Variants in TAF1 observed in about 807,000 individuals in gnomAD.
TAF1 encodes transcription initiation factor TFIID subunit 1.
A neutral mutation model predicts 138.5 loss-of-function variants in TAF1; 2 were observed. That is an observed-to-expected ratio of 0.01 (90% CI 0.01 to 0.05). The LOEUF is 0.05. Among genes scored for constraint, TAF1 ranks in the 10% least tolerant of loss-of-function variants. TAF1 has a pLI of 1.00. For synonymous variants in TAF1, 437 were observed against 503.2 expected (o/e 0.87, Z 1.76); for missense variants, 709 against 1,478.0 (o/e 0.48, Z 8.53).
At chrX:71,402,252 C>T (rs1032465531) in intron 25 of TAF1, among the ~76,000 whole-genome samples, 14 of 111,581 alleles carry the variant, frequency 1.3e-4, no homozygotes, top group South Asian at 7.5e-4. Flanking sequence ...GGATTACAGG[C>T]GCACGCCACC....
In TAF1 at chrX:71,379,105, AT is replaced by A. The variant is rs916740866; in HGVS notation, c.1360+97del. 77,839 of 428,303 alleles carry A rather than the reference AT, an allele frequency of 0.18. 164 individuals carry two copies. The highest frequency in any genetic ancestry group is 0.2 in the Non-Finnish European group (59,668 of 303,992). 35.3% of individuals were successfully genotyped at this position (428,303 alleles called of 1,213,427 possible). A position where few individuals can be genotyped will look rare whatever the true frequency, so the allele number is the denominator to read the frequency against. On this transcript the variant is annotated intron_variant, in intron 8 of 37. Coordinates refer to ENST00000423759, the MANE Select transcript of TAF1 (RefSeq NM_004606.5). ...GTCACCATAAGTGGGCTCAGCTGTG[AT>A]TTTTTTTTTTTTTTTTTTTTTTCGG...
chrX:71,443,177 G>GT (rs1432224637), intron 32 of TAF1, among the ~76,000 whole-genome samples: 5 of 111,872 alleles, frequency 4.5e-5, no homozygotes, highest in Non-Finnish European at 7.5e-5. Context: ...CTTCGAAGTA[G>GT]TTTTTTCCAA....
At chrX:71,448,852 C>G (rs1177595012) in intron 32 of TAF1, among the ~76,000 whole-genome samples, 4 of 97,786 alleles carry the variant, frequency 4.1e-5, no homozygotes, top group African/African-American at 1.5e-4. Context: ...GAGTTTCGCT[C>G]TTGTTGCCCA....
At chrX:71,407,798 GT>G (rs981182880) in intron 27 of TAF1, 126 bp downstream of exon 27, 453 of 947,670 alleles carry the variant, frequency 4.8e-4, no homozygotes, top group Non-Finnish European at 6.0e-4. Context: ...TAGGGAGTTA[GT>G]TTTTTTTGTT....
chrX:71,497,893 G>A (rs1424921708), intron 13 of TAF1, among the ~76,000 whole-genome samples: 1 of 111,724 alleles, frequency 9.0e-6, no homozygotes, highest in African/African-American at 3.3e-5. Context: ...CCTAGGGTGA[G>A]GATAAGCCAG....
At chrX:71,432,439 T>G (rs1231376450) in intron 32 of TAF1, among the ~76,000 whole-genome samples, 4 of 111,316 alleles carry the variant, frequency 3.6e-5, no homozygotes, top group South Asian at 3.7e-4. Context: ...AGGAGCTGAT[T>G]AGGGACATTT....
intron 18 of TAF1, among the ~76,000 whole-genome samples, chrX:71,390,272 T>C (rs1231208259): frequency 1.8e-5 from 2 of 111,931 alleles, no homozygotes; most frequent in African/African-American, 6.5e-5. Context: ...TTTCATCTCC[T>C]GTCACTGCCT....
intron 13 of TAF1, among the ~76,000 whole-genome samples, chrX:71,524,547 C>CA (rs761093788): frequency 1.8e-5 from 2 of 109,398 alleles, no homozygotes; most frequent in South Asian, 4.0e-4. Context: ...AGTCTGATCT[C>CA]AAAAAACAGA....
At chrX:71,481,049 C>T (rs766004309) in intron 13 of TAF1, among the ~76,000 whole-genome samples, 21 of 112,340 alleles carry the variant, frequency 1.9e-4, no homozygotes, top group African/African-American at 2.3e-4. Flanking sequence ...GAGGCCGAGG[C>T]GGGCGGATCA....
exon 14 of TAF1, chrX:71,528,623 G>A (rs1337246704): frequency 3.0e-6 from 1 of 331,422 alleles, no homozygotes; most frequent in African/African-American, 2.6e-5. Context: ...CCGATTCTCA[G>A]CTTTGGGGAT....
chrX:71,474,088 T>TG (rs1448769829), intron 13 of TAF1, among the ~76,000 whole-genome samples: 2 of 110,219 alleles, frequency 1.8e-5, no homozygotes, highest in African/African-American at 6.6e-5. Context: ...GAGGTTGTAG[T>TG]GAGCCAAGAT....
rs146717128 is a variant in TAF1, at chrX:71,396,697, T to C, written c.3407-556T>C. 1.9e-3 allele frequency among the ~76,000 whole-genome samples: 212 copies of C among 111,635 alleles called. 1 individual carries two copies. Among genetic ancestry groups the C allele is most frequent in the African/African-American group, 6.4e-3 (197 of 30,778 alleles). ...GCTTCTCTATCTCCTATAGCAAACA[T>C]GTAGTTCTTTGAGGTTTTTTCAGAA... On this transcript the variant is annotated intron_variant, in intron 22 of 37. Coordinates refer to ENST00000423759, the MANE Select transcript of TAF1 (RefSeq NM_004606.5).
intron 8 of TAF1, among the ~76,000 whole-genome samples, chrX:71,381,526 A>G (rs1023125893): frequency 8.0e-5 from 9 of 112,058 alleles, no homozygotes; most frequent in African/African-American, 1.6e-4. Flanking sequence ...CGGCCTCCCA[A>G]AATGCTGTGA....
chrX:71,411,417 T>C (rs1326422208), intron 28 of TAF1, among the ~76,000 whole-genome samples: 1 of 110,722 alleles, frequency 9.0e-6, no homozygotes, highest in Admixed American at 9.7e-5. Flanking sequence ...AGGTGGAGGT[T>C]GAAGTGAACC....
chrX:71,366,569 G>GA, intron 1 of TAF1, 75 bp downstream of exon 1: 1 of 1,016,107 alleles, frequency 9.8e-7, no homozygotes. Flanking sequence ...GAGGAAAGGA[G>GA]AGGGTGCTCA....
At chrX:71,503,338 ATATATGTG>A (rs1193801247) in intron 13 of TAF1, among the ~76,000 whole-genome samples, 4 of 99,228 alleles carry the variant, frequency 4.0e-5, no homozygotes, top group Non-Finnish European at 7.9e-5. Context: ...GTATATATAT[ATATATGTG>A]TATATATATA....
chrX:71,408,355 T>C (rs2035581557), intron 28 of TAF1, among the ~76,000 whole-genome samples: 1 of 111,095 alleles, frequency 9.0e-6, no homozygotes, highest in Non-Finnish European at 1.9e-5. Context: ...GGAGTCTCTG[T>C]CATCCAGGCT....
chrX:71,402,733 A>T (rs776277801), intron 25 of TAF1, among the ~76,000 whole-genome samples: 1 of 112,337 alleles, frequency 8.9e-6, no homozygotes, highest in Admixed American at 9.5e-5. Flanking sequence ...TAATTCCTCT[A>T]AATTCACTAA....
intron 9 of TAF1, 36 bp from the exon 10 acceptor site, chrX:71,382,500 G>GT (rs759007808): frequency 8.4e-7 from 1 of 1,193,291 alleles, no homozygotes; most frequent in Non-Finnish European, 1.1e-6. Flanking sequence ...GAATCTTCAG[G>GT]GAGAGCAACT....
Sources: allele counts gnomAD v4.1 joint callset (sites outside exome capture counted in the v4.1 genomes callset), GRCh38; gene constraint gnomAD v4.1.1; transcripts MANE v1.5; gene names NCBI Gene and HGNC (gene_info 2026-07-23, HGNC 2026-07-21).